TBL1XR1: variants seen among roughly 807,000 people sequenced by gnomAD.
The protein encoded by TBL1XR1 is TBL1X/Y related 1.
TBL1XR1 carries 5 observed loss-of-function variants against 66.9 expected under a neutral mutation model. The observed-to-expected ratio is 0.07, with a 90% confidence interval of 0.04 to 0.16. The LOEUF is 0.16. TBL1XR1 is among the 10% of genes least tolerant of loss of function. The probability of loss-of-function intolerance (pLI) is 1.00; values close to 1 mark genes in which losing one functional copy is unlikely to be tolerated. For synonymous variants in TBL1XR1, 210 were observed against 206.0 expected (o/e 1.02, Z -0.17); for missense variants, 238 against 623.2 (o/e 0.38, Z 6.58).
Position 177,038,026 on chromosome 3 carries a change from T to C in TBL1XR1, c.1122+72A>G, listed in dbSNP as rs866909695. The C allele has an allele frequency of 6.2e-5, 81 of 1,316,820 alleles. 1 individual carries two copies. The African/African-American group carries it at 9.6e-4, about 16-fold the overall frequency. The allele number at this position is 1,316,820 out of a possible 1,614,324, so 81.6% of individuals were successfully genotyped here. The stretch of plus-strand genomic sequence containing the variant: ...CTCCATGTAAGACAGACATTCTAAA[T>C]GGTCTTAAAATGGCCAGAGCAACCA... On this transcript the variant is annotated intron_variant, in intron 12 of 15. Transcript: ENST00000457928.
chr3:177,175,693 T>C (rs1456685101), intron 1 of TBL1XR1, among the ~76,000 whole-genome samples: 1 of 152,198 alleles, frequency 6.6e-6, no homozygotes, highest in Admixed American at 6.5e-5. Flanking sequence ...ACAAATATCT[T>C]AAGTCACAAA....
intron 4 of TBL1XR1, among the ~76,000 whole-genome samples, chr3:177,051,976 G>C (rs1717150275): frequency 6.6e-6 from 1 of 152,074 alleles, no homozygotes; most frequent in South Asian, 2.1e-4. Context: ...AGATAGAGCT[G>C]AAATGAAAGA....
At position 177,050,084 on chromosome 3, in the gene TBL1XR1, G is replaced by T. The variant is rs1427517425; in HGVS notation, c.615C>A (p.Gly205=). 6.2e-7 allele frequency: 1 copy of T among 1,611,582 alleles called. No individual in the cohort carries two copies. The highest frequency in any genetic ancestry group is 1.3e-5 in the African/African-American group (1 of 74,578). The change falls in exon 7 of 16, where the codon GGC becomes GGA. Residue 205 remains glycine (G), a synonymous_variant. Transcript: ENST00000457928. ...IWNLSENSTS[G]STQLVLRHCI... ...AATGTCTAAGTACTAACTGTGTAGA[G>T]CCACTGGTGCTGTTCTCACTAAGAT...
chr3:177,161,620 A>C (rs1732220838), intron 1 of TBL1XR1, among the ~76,000 whole-genome samples: 1 of 141,730 alleles, frequency 7.1e-6, no homozygotes, highest in Admixed American at 6.8e-5. Context: ...CCATCTCTGC[A>C]AAAAAATATA....
At chr3:177,196,911 A>G (rs1427712750) in intron 1 of TBL1XR1, among the ~76,000 whole-genome samples, 2 of 151,372 alleles carry the variant, frequency 1.3e-5, no homozygotes, top group Non-Finnish European at 2.9e-5. Context: ...AACCTGAGAG[A>G]GGAAAACGGG....
At chr3:177,174,700 A>G (rs901929486) in intron 1 of TBL1XR1, among the ~76,000 whole-genome samples, 3 of 152,176 alleles carry the variant, frequency 2.0e-5, no homozygotes, top group African/African-American at 4.8e-5. Context: ...CTAGTTTGCA[A>G]TACTCCAAGA....
At chr3:177,082,090 T>G (rs141764787) in intron 2 of TBL1XR1, among the ~76,000 whole-genome samples, 17 of 152,304 alleles carry the variant, frequency 1.1e-4, no homozygotes, top group African/African-American at 3.6e-4. Flanking sequence ...CAATTTTCTC[T>G]AAGACCAAAA....
intron 1 of TBL1XR1, among the ~76,000 whole-genome samples, chr3:177,175,863 CCTGA>C (rs1304651091): frequency 1.3e-5 from 2 of 151,850 alleles, no homozygotes; most frequent in Non-Finnish European, 2.9e-5. Context: ...TCGAGACCAT[CCTGA>C]CTAACACGGT....
chr3:177,033,921 TG>T (rs1271103677), intron 13 of TBL1XR1, among the ~76,000 whole-genome samples: 1 of 152,024 alleles, frequency 6.6e-6, no homozygotes, highest in African/African-American at 2.4e-5. Context: ...CTTTGTGGAC[TG>T]GAGGTGGGAG....
chr3:177,093,732 C>T (rs965152322), intron 2 of TBL1XR1, among the ~76,000 whole-genome samples: 1 of 152,142 alleles, frequency 6.6e-6, no homozygotes, highest in East Asian at 1.9e-4. Context: ...ATAGAACACC[C>T]TATTCAACAA....
chr3:177,146,687 T>TA (rs1410262875), intron 1 of TBL1XR1, among the ~76,000 whole-genome samples: 2 of 150,602 alleles, frequency 1.3e-5, no homozygotes, highest in Non-Finnish European at 3.0e-5. Context: ...CAGTATCTAA[T>TA]AATTTTCCAA....
intron 1 of TBL1XR1, among the ~76,000 whole-genome samples, chr3:177,153,453 AAAAT>A (rs930014592): frequency 2.0e-5 from 3 of 152,246 alleles, no homozygotes; most frequent in African/African-American, 7.2e-5. Context: ...GTTTAAAGTA[AAAAT>A]AATATCCAGT....
chr3:177,095,979 T>C (rs570436750), intron 2 of TBL1XR1, among the ~76,000 whole-genome samples: 3 of 152,294 alleles, frequency 2.0e-5, no homozygotes, highest in African/African-American at 7.2e-5. Flanking sequence ...AAATATCACA[T>C]GTACCCTAAA....
chr3:177,070,856 T>A (rs180731154), intron 2 of TBL1XR1, among the ~76,000 whole-genome samples: 14,636 of 150,400 alleles, frequency 0.097, 814 homozygotes, highest in South Asian at 0.12. Context: ...AAAAAAAAAA[T>A]AAATAAATAA....
At chr3:177,163,092 C>T (rs1288026286) in intron 1 of TBL1XR1, among the ~76,000 whole-genome samples, 1 of 152,144 alleles carries the variant, frequency 6.6e-6, no homozygotes, top group Non-Finnish European at 1.5e-5. Context: ...GATCTATGTA[C>T]CAAGGTTATT....
intron 4 of TBL1XR1, 121 bp downstream of exon 4, chr3:177,053,652 G>A: frequency 1.1e-6 from 1 of 942,302 alleles, no homozygotes; most frequent in South Asian, 1.6e-5. Flanking sequence ...GGGATGAACT[G>A]CCTGCACTTT....
At chr3:177,163,378 G>T (rs1268900227) in intron 1 of TBL1XR1, among the ~76,000 whole-genome samples, 1 of 151,798 alleles carries the variant, frequency 6.6e-6, no homozygotes, top group African/African-American at 2.4e-5. Flanking sequence ...GCATGGTGGC[G>T]GGCACCTGTA....
upstream of TBL1XR1, among the ~76,000 whole-genome samples, chr3:177,200,076 G>A (rs1737310708): frequency 6.6e-6 from 1 of 151,960 alleles, no homozygotes; most frequent in African/African-American, 2.4e-5. Flanking sequence ...AGGTTCAAGC[G>A]ATTCTCCTGT....
At chr3:177,110,360 T>C (rs1725399778) in intron 1 of TBL1XR1, among the ~76,000 whole-genome samples, 1 of 152,226 alleles carries the variant, frequency 6.6e-6, no homozygotes, top group Non-Finnish European at 1.5e-5. Context: ...TAGGCAACAA[T>C]TTGTAAATAT....
Sources: allele counts gnomAD v4.1 joint callset (sites outside exome capture counted in the v4.1 genomes callset), GRCh38; gene constraint gnomAD v4.1.1; transcripts MANE v1.5; gene names NCBI Gene and HGNC (gene_info 2026-07-23, HGNC 2026-07-21).